Variants in TRAPPC3L observed in about 807,000 individuals in gnomAD.
The protein encoded by TRAPPC3L is trafficking protein particle complex subunit 3-like protein.
Under a neutral mutation model 23.7 loss-of-function variants are expected in TRAPPC3L, and 23 were observed. The observed-to-expected ratio is 0.97, with a 90% CI of 0.70 to 1.37. The LOEUF (loss-of-function observed/expected upper bound fraction) is 1.37, where lower values mean the gene tolerates loss of function less well. TRAPPC3L is among the 40% of genes most tolerant of loss of function. The pLI is 0.00. For missense variants in TRAPPC3L, 212 were observed against 216.8 expected (o/e 0.98, Z 0.14); for synonymous variants, 81 against 77.9 (o/e 1.04, Z -0.21).
At position 116,511,921 on chromosome 6, in the gene TRAPPC3L, ACT is replaced by A. The variant is rs1341415332; in HGVS notation, c.241-11257_241-11256del. On this transcript the variant is annotated intron_variant, in intron 3 of 4. Coordinates refer to ENST00000368602, the MANE Select transcript of TRAPPC3L (RefSeq NM_001139444.3). Reference sequence around the variant, plus strand: ...TCTTTCTGAACAATAGGTCGTGGAGACTCTTCACAGGCTGCTGTGTGAATCCC... The same window carrying A: ...TCTTTCTGAACAATAGGTCGTGGAGACTTCACAGGCTGCTGTGTGAATCCC... 4 of 1,613,152 alleles carry A rather than the reference ACT, an allele frequency of 2.5e-6. No individual in the cohort carries two copies. The African/African-American group carries it at 5.4e-5, about 22-fold the overall frequency.
intron 3 of TRAPPC3L, chr6:116,511,688 A>G (rs776990661): frequency 1.9e-6 from 3 of 1,611,402 alleles, no homozygotes; most frequent in South Asian, 1.1e-5. Context: ...CCCTCTGTGC[A>G]TCTCCAACAT....
At chr6:116,523,347 G>T (rs1417552811) in intron 3 of TRAPPC3L, 2 of 152,122 alleles carry the variant, frequency 1.3e-5, no homozygotes, top group Non-Finnish European at 2.9e-5. Context: ...AACTCTATTT[G>T]TAGGTGTTTT....
intron 3 of TRAPPC3L, chr6:116,516,232 G>A (rs917670405): frequency 1.1e-4 from 41 of 384,354 alleles, no homozygotes; most frequent in African/African-American, 8.2e-4. Flanking sequence ...AGGCCTAAAT[G>A]TTGCTCCAAG....
chr6:116,533,139 G>A lies in TRAPPC3L; in HGVS notation c.240+7224C>T, dbSNP rs115106559. On this transcript the variant is annotated intron_variant, in intron 3 of 4. Transcript: ENST00000368602. Reference sequence around the variant, plus strand: ...CCACGGAAGAAAGTATAAATTATTGGCGGGTGATATTCTGGAGTTCTTGGC... The same window carrying A: ...CCACGGAAGAAAGTATAAATTATTGACGGGTGATATTCTGGAGTTCTTGGC... 4.2e-3 allele frequency among the ~76,000 whole-genome samples: 636 copies of A among 152,204 alleles called. 5 individuals are homozygous for A. Among genetic ancestry groups the A allele is most frequent in the African/African-American group, 0.014 (596 of 41,532 alleles).
chr6:116,541,835 T>C (rs985971237), intron 2 of TRAPPC3L, among the ~76,000 whole-genome samples: 1 of 152,174 alleles, frequency 6.6e-6, no homozygotes, highest in South Asian at 2.1e-4. Flanking sequence ...CACATATTGC[T>C]TTGGTCAAAG....
chr6:116,505,332 A>G (rs1771984584), intron 3 of TRAPPC3L, among the ~76,000 whole-genome samples: 1 of 152,222 alleles, frequency 6.6e-6, no homozygotes, highest in South Asian at 2.1e-4. Flanking sequence ...GACCTCTTCA[A>G]GGAGAATTAC....
chr6:116,530,942 T>TATATA, intron 3 of TRAPPC3L, among the ~76,000 whole-genome samples: 1 of 137,320 alleles, frequency 7.3e-6, no homozygotes, highest in South Asian at 2.2e-4. Context: ...TATATATATA[T>TATATA]ATGTTACTAA....
At chr6:116,540,573 C>A in intron 2 of TRAPPC3L, 111 bp from the exon 3 acceptor site, 1 of 1,086,316 alleles carries the variant, frequency 9.2e-7, no homozygotes, top group Non-Finnish European at 1.3e-6. Context: ...AATCACAAAT[C>A]AAACCAAATA....
rs1363715946 is a variant in TRAPPC3L at position 116,543,308 on chromosome 6, A to G, written c.135T>C (p.Asp45=). 1 of 1,547,912 alleles carries G rather than the reference A, an allele frequency of 6.5e-7. No homozygotes were observed. Among genetic ancestry groups the G allele is most frequent in the Non-Finnish European group, 8.7e-7 (1 of 1,144,650 alleles). The change falls in exon 2 of 5, where the codon GAT becomes GAC. Residue 45 remains aspartate (D), a synonymous_variant. Transcript: ENST00000368602. ...EKDEDVNQYL[D]KMGYGIGTRL... ...AATGAAGGACTTCCACTTACATTTTATCTAAATATTGGTTCACATCTTCAT... is the reference window on the plus strand; with the variant it reads ...AATGAAGGACTTCCACTTACATTTTGTCTAAATATTGGTTCACATCTTCAT...
rs908711212 is a variant in TRAPPC3L at position 116,496,346 on chromosome 6, T to A, written c.*608A>T. 10 of 152,196 alleles carry A rather than the reference T, an allele frequency of 6.6e-5. No homozygotes were observed. The highest frequency in any genetic ancestry group is 2.2e-4 in the African/African-American group (9 of 41,466). 9.4% of individuals were successfully genotyped at this position (152,196 alleles called of 1,614,324 possible). On this transcript the variant is annotated 3_prime_UTR_variant, in exon 5 of 5. Transcript: ENST00000368602. Reference sequence around the variant, plus strand: ...GCCAGCTATATTAAAACTAAATAAATTAAAATTAAATGTTATTTATAAATG... The same window carrying A: ...GCCAGCTATATTAAAACTAAATAAAATAAAATTAAATGTTATTTATAAATG...
chr6:116,496,895 T>C lies in TRAPPC3L; in HGVS notation c.*59A>G. On this transcript the variant is annotated 3_prime_UTR_variant, in exon 5 of 5. Coordinates refer to ENST00000368602, the MANE Select transcript of TRAPPC3L (RefSeq NM_001139444.3). ...AAGCAATTCAAAATTTCTATGTCTA[T>C]ACATGTTTAGCTAACATTAACTCAG... The C allele has an allele frequency of 1.3e-6, 2 of 1,506,496 alleles. No individual in the cohort carries two copies. Among genetic ancestry groups the C allele is most frequent in the African/African-American group, 1.4e-5 (1 of 69,874 alleles). 93.3% of individuals were successfully genotyped at this position (1,506,496 alleles called of 1,614,324 possible).
At chr6:116,525,124 A>G (rs1481746036) in intron 3 of TRAPPC3L, among the ~76,000 whole-genome samples, 2 of 152,230 alleles carry the variant, frequency 1.3e-5, no homozygotes, top group South Asian at 2.1e-4. Context: ...GAGTGTTCAT[A>G]TAACTTTTCA....
At chr6:116,501,406 T>G (rs1396238828) in intron 3 of TRAPPC3L, among the ~76,000 whole-genome samples, 1 of 152,162 alleles carries the variant, frequency 6.6e-6, no homozygotes, top group Non-Finnish European at 1.5e-5. Flanking sequence ...CAAGGCCTAC[T>G]GCCTCCTTAG....
chr6:116,544,973 A>G (rs1773684081), intron 1 of TRAPPC3L, among the ~76,000 whole-genome samples: 1 of 152,034 alleles, frequency 6.6e-6, no homozygotes, highest in Admixed American at 6.6e-5. Flanking sequence ...AATAACTCTT[A>G]ACCTGGAATA....
chr6:116,545,648 C>T lies in TRAPPC3L; in HGVS notation c.-134G>A. 4.6e-6 allele frequency: 3 copies of T among 653,846 alleles called. No homozygotes were observed. Among genetic ancestry groups the T allele is most frequent in the South Asian group, 2.9e-5 (1 of 34,724 alleles). The allele number at this position is 653,846 out of a possible 1,614,324, so 40.5% of individuals were successfully genotyped here. A position where few individuals can be genotyped will look rare whatever the true frequency, so the allele number is the denominator to read the frequency against. On this transcript the variant is annotated 5_prime_UTR_variant, in exon 1 of 5. Coordinates refer to ENST00000368602, the MANE Select transcript of TRAPPC3L (RefSeq NM_001139444.3). ...CTTTGAGACAGGAGTGCTGCTTCTG[C>T]ACTCTGCTGCTTTTGCTCTTTGCTG... is the stretch of plus-strand genomic sequence containing the variant.
At chr6:116,512,960 A>T (rs1334909998) in intron 3 of TRAPPC3L, among the ~76,000 whole-genome samples, 2 of 152,238 alleles carry the variant, frequency 1.3e-5, no homozygotes, top group Non-Finnish European at 2.9e-5. Flanking sequence ...AGGAAATCAT[A>T]TCTTTACCTA....
chr6:116,540,301 C>G, intron 3 of TRAPPC3L, 62 bp downstream of exon 3: 2 of 1,468,864 alleles, frequency 1.4e-6, no homozygotes, highest in South Asian at 2.5e-5. Flanking sequence ...CAGAAAACCA[C>G]CATACTCAAA....
chr6:116,543,580 A>G (rs1431349381), intron 1 of TRAPPC3L, among the ~76,000 whole-genome samples, 180 bp from the exon 2 acceptor site: 1 of 152,106 alleles, frequency 6.6e-6, no homozygotes, highest in African/African-American at 2.4e-5. Context: ...ATTTGGATAC[A>G]TTGATGTGAG....
chr6:116,528,036 G>C (rs1015215079), intron 3 of TRAPPC3L, among the ~76,000 whole-genome samples: 1 of 152,230 alleles, frequency 6.6e-6, no homozygotes, highest in Non-Finnish European at 1.5e-5. Flanking sequence ...CAGATTTCTT[G>C]TAAGTCCTGA....
Sources: allele counts gnomAD v4.1 joint callset (sites outside exome capture counted in the v4.1 genomes callset), GRCh38; gene constraint gnomAD v4.1.1; transcripts MANE v1.5; gene names NCBI Gene and HGNC (gene_info 2026-07-23, HGNC 2026-07-21).